FOXJ3: variants seen among roughly 807,000 people sequenced by gnomAD.
The protein encoded by FOXJ3 is forkhead box protein J3.
A neutral mutation model predicts 76.1 loss-of-function variants in FOXJ3; 22 were observed. The ratio of observed to expected loss-of-function variants is 0.29; its 90% confidence interval spans 0.21 to 0.41. FOXJ3 has a LOEUF of 0.41. FOXJ3 is among the 10% of genes least tolerant of loss of function. The pLI is 1.00. For missense variants in FOXJ3, 613 were observed against 762.1 expected, an observed-to-expected ratio of 0.80 and a Z score of 2.30; for synonymous variants, 269 against 261.2, an observed-to-expected ratio of 1.03 and a Z score of -0.29.
intron 5 of FOXJ3, among the ~76,000 whole-genome samples, chr1:42,227,589 A>C (rs1472920722): frequency 6.6e-6 from 1 of 152,230 alleles, no homozygotes; most frequent in East Asian, 1.9e-4. Flanking sequence ...AACTATTCCT[A>C]AATGTTGTAG....
intron 4 of FOXJ3, among the ~76,000 whole-genome samples, chr1:42,250,068 C>T (rs994266222): frequency 8.6e-5 from 13 of 151,992 alleles, no homozygotes; most frequent in Non-Finnish European, 5.9e-5. Flanking sequence ...AAAATAGGAC[C>T]ACGGAAGTAG....
At chr1:42,288,615 C>G (rs1317680750) in intron 2 of FOXJ3, among the ~76,000 whole-genome samples, 1 of 152,194 alleles carries the variant, frequency 6.6e-6, no homozygotes, top group Non-Finnish European at 1.5e-5. Context: ...GTTTATGGAT[C>G]AGCAGTTCTC....
intron 1 of FOXJ3, among the ~76,000 whole-genome samples, chr1:42,322,798 A>T (rs929154832): frequency 2.0e-5 from 3 of 152,126 alleles, no homozygotes; most frequent in Non-Finnish European, 2.9e-5. Flanking sequence ...GAGCCAAGAG[A>T]GTGACTCAGC....
chr1:42,261,075 A>T (rs1251989095), intron 4 of FOXJ3, among the ~76,000 whole-genome samples: 1 of 152,254 alleles, frequency 6.6e-6, no homozygotes, highest in African/African-American at 2.4e-5. Flanking sequence ...TGAAAAGCAG[A>T]GAAAGAAAAT....
At chr1:42,279,868 T>A (rs1652568026) in intron 2 of FOXJ3, among the ~76,000 whole-genome samples, 1 of 152,112 alleles carries the variant, frequency 6.6e-6, no homozygotes, top group African/African-American at 2.4e-5. Context: ...TTTGTAGCTA[T>A]GAAAATCCCA....
Position 42,179,579 on chromosome 1 carries a change from C to T in FOXJ3, c.*131G>A. 1.7e-6 allele frequency: 1 copy of T among 589,078 alleles called. No homozygotes were observed. Among genetic ancestry groups the T allele is most frequent in the Non-Finnish European group, 3.1e-6 (1 of 326,974 alleles). The allele number at this position is 589,078 out of a possible 1,614,324, so 36.5% of individuals were successfully genotyped here. On this transcript the variant is annotated 3_prime_UTR_variant, in exon 13 of 13. Transcript: ENST00000361346. ...ATCCAGCTAAAATCCTTCTGATTGT[C>T]TTCAAAAGTAATTTTGATAACATTG...
At chr1:42,206,423 G>A (rs1230386830) in intron 5 of FOXJ3, among the ~76,000 whole-genome samples, 2 of 152,266 alleles carry the variant, frequency 1.3e-5, no homozygotes, top group Admixed American at 6.5e-5. Context: ...ATAAATAGCT[G>A]AGGGTAATAC....
intron 4 of FOXJ3, among the ~76,000 whole-genome samples, chr1:42,248,920 T>C (rs966003939): frequency 7.2e-5 from 11 of 151,998 alleles, no homozygotes; most frequent in African/African-American, 1.7e-4. Context: ...CGCAACCCAA[T>C]AGGCCCCGGT....
At chr1:42,288,778 G>A (rs1028067110) in intron 2 of FOXJ3, among the ~76,000 whole-genome samples, 18 of 68,304 alleles carry the variant, frequency 2.6e-4, no homozygotes, top group African/African-American at 7.9e-4. Flanking sequence ...CAGATTTAAT[G>A]CAGAGAGAGA....
At chr1:42,331,709 T>C (rs925214069) in intron 1 of FOXJ3, among the ~76,000 whole-genome samples, 12 of 152,050 alleles carry the variant, frequency 7.9e-5, no homozygotes, top group African/African-American at 2.4e-4. Flanking sequence ...TGAAATGCTG[T>C]CCTAAAAATG....
At chr1:42,252,493 T>C (rs750328679) in intron 4 of FOXJ3, among the ~76,000 whole-genome samples, 24 of 152,168 alleles carry the variant, frequency 1.6e-4, no homozygotes, top group Non-Finnish European at 2.5e-4. Context: ...TTTTATTGCG[T>C]CTATTTGATT....
chr1:42,285,599 T>A (rs983072167), intron 2 of FOXJ3, among the ~76,000 whole-genome samples: 5 of 152,160 alleles, frequency 3.3e-5, no homozygotes, highest in Non-Finnish European at 7.3e-5. Flanking sequence ...GTAAAAACTG[T>A]GCATTTCCCA....
At chr1:42,260,139 T>C (rs1365657995) in intron 4 of FOXJ3, among the ~76,000 whole-genome samples, 5 of 152,314 alleles carry the variant, frequency 3.3e-5, no homozygotes, top group African/African-American at 9.6e-5. Context: ...TATACTCTTA[T>C]CTTCCTTCTT....
chr1:42,257,909 A>G (rs1355429917), intron 4 of FOXJ3, among the ~76,000 whole-genome samples: 1 of 152,214 alleles, frequency 6.6e-6, no homozygotes, highest in Non-Finnish European at 1.5e-5. Flanking sequence ...ATGTCAACAC[A>G]AAGTACCCTG....
At chr1:42,287,150 C>T (rs1426236439) in intron 2 of FOXJ3, among the ~76,000 whole-genome samples, 1 of 151,436 alleles carries the variant, frequency 6.6e-6, no homozygotes, top group Non-Finnish European at 1.5e-5. Context: ...ACCAGCCTGG[C>T]CAACATGGTG....
At chr1:42,274,919 A>G (rs903279131) in intron 3 of FOXJ3, among the ~76,000 whole-genome samples, 2 of 152,122 alleles carry the variant, frequency 1.3e-5, no homozygotes, top group African/African-American at 4.8e-5. Context: ...CCAAGGAGAA[A>G]TAAGAAAAAA....
At chr1:42,224,591 T>C (rs978509259) in intron 5 of FOXJ3, among the ~76,000 whole-genome samples, 3 of 151,830 alleles carry the variant, frequency 2.0e-5, no homozygotes, top group East Asian at 3.9e-4. Context: ...GAGGCAGAGG[T>C]TGCAGTGAGC....
chr1:42,314,445 A>G (rs759362715), intron 1 of FOXJ3, among the ~76,000 whole-genome samples: 4 of 152,114 alleles, frequency 2.6e-5, no homozygotes, highest in Non-Finnish European at 5.9e-5. Flanking sequence ...AGGGGGTTTC[A>G]CCATGTTGGT....
chr1:42,291,083 T>TAGATAGATAGATAGACAGACAGAC (rs1553167260), intron 2 of FOXJ3, among the ~76,000 whole-genome samples: 6 of 126,464 alleles, frequency 4.7e-5, no homozygotes, highest in East Asian at 2.3e-4. Flanking sequence ...GATAGATAGA[T>TAGATAGATAGATAGACAGACAGAC]AGACAGACAG....
Sources: gnomAD v4.1 joint callset for allele counts (sites outside exome capture counted in the v4.1 genomes callset) on GRCh38, gnomAD v4.1.1 for gene constraint, MANE v1.5 for transcripts, NCBI Gene and HGNC (gene_info 2026-07-23, HGNC 2026-07-21) for gene names.